Variants in CFAP96 observed in about 807,000 individuals in gnomAD.
The protein encoded by CFAP96 is cilia-and flagella-associated protein 96.
At chr4:185,426,403 T>G in the CFAP96 span, 2 of 152,836 alleles carry the variant, frequency 1.3e-5, no homozygotes, top group Non-Finnish European at 2.9e-5. Flanking sequence ...AAAGGTGACT[T>G]GGTCCTCGCG....
chr4:185,430,553 T>C, the CFAP96 span, among the ~76,000 whole-genome samples: 8 of 152,212 alleles, frequency 5.3e-5, no homozygotes, highest in African/African-American at 1.4e-4. Flanking sequence ...AGAAGACTTC[T>C]TGTGAAAATG....
At chr4:185,449,764 C>T in the CFAP96 span, 1 of 583,680 alleles carries the variant, frequency 1.7e-6, no homozygotes, top group Non-Finnish European at 2.9e-6. Context: ...AAAAGAAATT[C>T]TGCAACTCTA....
At chr4:185,447,476 G>A in the CFAP96 span, among the ~76,000 whole-genome samples, 6 of 152,232 alleles carry the variant, frequency 3.9e-5, no homozygotes, top group South Asian at 4.1e-4. Flanking sequence ...CACCACGCCC[G>A]GCCGATTTTA....
chr4:185,447,062 A>G, the CFAP96 span, among the ~76,000 whole-genome samples: 1 of 152,112 alleles, frequency 6.6e-6, no homozygotes, highest in Non-Finnish European at 1.5e-5. Context: ...ATATCCTCAC[A>G]TGGAGCTTCT....
the CFAP96 span, chr4:185,425,954 A>G: frequency 6.6e-7 from 1 of 1,505,266 alleles, no homozygotes; most frequent in African/African-American, 1.4e-5. Context: ...CGCACGGCCC[A>G]GGGGCGGGGC....
chr4:185,428,218 G>A, the CFAP96 span, among the ~76,000 whole-genome samples: 11 of 152,034 alleles, frequency 7.2e-5, no homozygotes, highest in Non-Finnish European at 7.3e-5. Context: ...GAATGGGATA[G>A]AGGTAAGTAT....
chr4:185,416,333 C>T, the CFAP96 span, among the ~76,000 whole-genome samples: 5 of 152,184 alleles, frequency 3.3e-5, no homozygotes, highest in African/African-American at 1.2e-4. Context: ...ATCAAATTAA[C>T]ATAAAATAAC....
At chr4:185,433,307 A>G in the CFAP96 span, among the ~76,000 whole-genome samples, 61 of 151,248 alleles carry the variant, frequency 4.0e-4, no homozygotes, top group African/African-American at 1.4e-3. Flanking sequence ...AGGCAGGAGA[A>G]TCTCGCTTTA....
the CFAP96 span, among the ~76,000 whole-genome samples, chr4:185,416,726 C>T: frequency 8.5e-5 from 13 of 152,204 alleles, no homozygotes; most frequent in African/African-American, 3.1e-4. Flanking sequence ...GTAGGAAGTG[C>T]CCAAAATTAC....
At chr4:185,444,425 C>G in the CFAP96 span, among the ~76,000 whole-genome samples, 1 of 152,124 alleles carries the variant, frequency 6.6e-6, no homozygotes, top group Non-Finnish European at 1.5e-5. Context: ...ATATTTCTGT[C>G]TTGTGTACAG....
the CFAP96 span, chr4:185,415,387 A>G: frequency 6.8e-7 from 1 of 1,474,882 alleles, no homozygotes; most frequent in Non-Finnish European, 9.1e-7. Flanking sequence ...CAAAAGTTAT[A>G]GTGACTACAA....
chr4:185,430,712 G>A, the CFAP96 span, among the ~76,000 whole-genome samples: 1 of 151,864 alleles, frequency 6.6e-6, no homozygotes, highest in Non-Finnish European at 1.5e-5. Context: ...AGACAAGCCT[G>A]GACAACATAG....
the CFAP96 span, chr4:185,432,157 A>G: frequency 3.9e-5 from 60 of 1,551,710 alleles, no homozygotes; most frequent in Non-Finnish European, 4.8e-5. Context: ...CAGCCAAAAA[A>G]AATCTAGGCA....
the CFAP96 span, among the ~76,000 whole-genome samples, chr4:185,412,351 G>A: frequency 6.6e-3 from 998 of 152,292 alleles, 8 homozygotes; most frequent in Non-Finnish European, 0.011. Flanking sequence ...TTTTGCAGAT[G>A]ATCTGCTGCC....
At chr4:185,433,759 G>A in the CFAP96 span, among the ~76,000 whole-genome samples, 51 of 151,906 alleles carry the variant, frequency 3.4e-4, no homozygotes, top group East Asian at 8.4e-3. Flanking sequence ...AAAATTAGCC[G>A]GGCGTGGTGG....
the CFAP96 span, chr4:185,432,342 G>A: frequency 1.5e-6 from 1 of 648,870 alleles, no homozygotes; most frequent in Non-Finnish European, 2.6e-6. Context: ...GGAGATAGTT[G>A]TATTGGATGA....
At chr4:185,412,025 C>G in the CFAP96 span, among the ~76,000 whole-genome samples, 1 of 152,082 alleles carries the variant, frequency 6.6e-6, no homozygotes, top group Admixed American at 6.5e-5. Flanking sequence ...GGAACTGTGT[C>G]GAGGAGGCAG....
At chr4:185,418,124 T>C in the CFAP96 span, among the ~76,000 whole-genome samples, 2 of 151,708 alleles carry the variant, frequency 1.3e-5, no homozygotes, top group African/African-American at 4.9e-5. Flanking sequence ...ATTTGTCTTA[T>C]GTGGCACAAT....
chr4:185,420,897 T>G, the CFAP96 span, among the ~76,000 whole-genome samples: 3 of 152,238 alleles, frequency 2.0e-5, no homozygotes, highest in Non-Finnish European at 2.9e-5. Context: ...TTGTTTACAT[T>G]TGATTATTGG....
Sources: gnomAD v4.1 joint callset for allele counts (sites outside exome capture counted in the v4.1 genomes callset) on GRCh38, gnomAD v4.1.1 for gene constraint, MANE v1.5 for transcripts, NCBI Gene and HGNC (gene_info 2026-07-23, HGNC 2026-07-21) for gene names.